Variants in CCDC158 observed in about 807,000 individuals in gnomAD.
CCDC158 encodes coiled-coil domain-containing protein 158.
A neutral mutation model predicts 138.6 loss-of-function variants in CCDC158; 116 were observed. The ratio of observed to expected loss-of-function variants is 0.84; its 90% confidence interval spans 0.72 to 0.98. The LOEUF is 0.98. Among genes scored for constraint, CCDC158 ranks in the 50% least tolerant of loss-of-function variants. The pLI is 0.00. For missense variants in CCDC158, 1,265 were observed against 1,306.1 expected (o/e 0.97, Z 0.48); for synonymous variants, 436 against 442.4 (o/e 0.99, Z 0.18).
At chr4:76,409,073 T>G (rs534319231) in intron 2 of CCDC158, among the ~76,000 whole-genome samples, 1 of 152,368 alleles carries the variant, frequency 6.6e-6, no homozygotes, top group East Asian at 1.9e-4. Context: ...GTAAAGAGGA[T>G]GCTTAGTATC....
intron 13 of CCDC158, 124 bp from the exon 14 acceptor site, chr4:76,357,650 A>G (rs770697362): frequency 6.5e-6 from 4 of 617,992 alleles, no homozygotes; most frequent in Non-Finnish European, 1.0e-5. Flanking sequence ...ATTTAATTAC[A>G]TCTTCCTTTG....
intron 4 of CCDC158, among the ~76,000 whole-genome samples, chr4:76,388,697 AG>A (rs1168987525): frequency 2.6e-5 from 4 of 152,154 alleles, no homozygotes; most frequent in African/African-American, 9.7e-5. Context: ...GACAAGACTC[AG>A]GGCAGTGCTG....
intron 9 of CCDC158, chr4:76,375,085 G>A (rs1272078500): frequency 1.3e-5 from 2 of 153,006 alleles, no homozygotes; most frequent in African/African-American, 4.8e-5. Context: ...AACCATTGAA[G>A]TAGCAGCTGA....
chr4:76,362,350 T>G (rs1360838424), intron 12 of CCDC158, 35 bp from the exon 13 acceptor site: 1 of 1,484,500 alleles, frequency 6.7e-7, no homozygotes, highest in African/African-American at 1.5e-5. Context: ...GATAGAGAAG[T>G]AAAAAATATG....
chr4:76,315,831 TG>T (rs776833133), intron 24 of CCDC158, among the ~76,000 whole-genome samples: 6 of 152,190 alleles, frequency 3.9e-5, no homozygotes, highest in Non-Finnish European at 7.3e-5. Context: ...GCCCCGAGTC[TG>T]GTAGCCCTAC....
intron 18 of CCDC158, among the ~76,000 whole-genome samples, chr4:76,341,686 A>G (rs1454403022): frequency 6.6e-6 from 1 of 152,252 alleles, no homozygotes; most frequent in African/African-American, 2.4e-5. Context: ...ACTATCAGTT[A>G]CATATATGTG....
intron 2 of CCDC158, among the ~76,000 whole-genome samples, chr4:76,409,238 T>G (rs1259677081): frequency 6.6e-6 from 1 of 152,190 alleles, no homozygotes; most frequent in Non-Finnish European, 1.5e-5. Flanking sequence ...TTTGTGACAC[T>G]ATAGGAATTG....
chr4:76,362,417 C>T, intron 12 of CCDC158, 102 bp from the exon 13 acceptor site: 1 of 735,976 alleles, frequency 1.4e-6, no homozygotes, highest in Non-Finnish European at 2.1e-6. Flanking sequence ...TGACAACAGT[C>T]TCCTACTTAA....
chr4:76,375,256 GT>G, intron 9 of CCDC158: 1 of 321,312 alleles, frequency 3.1e-6, no homozygotes, highest in Non-Finnish European at 5.6e-6. Context: ...GCACTTTTTG[GT>G]TTGGATCACT....
intron 2 of CCDC158, among the ~76,000 whole-genome samples, chr4:76,406,429 TAG>T (rs1350796044): frequency 2.0e-5 from 3 of 152,240 alleles, no homozygotes; most frequent in East Asian, 3.9e-4. Flanking sequence ...AAAAAATAAG[TAG>T]AGATATAAAA....
At chr4:76,344,663 GC>G in intron 18 of CCDC158, 1 of 1,611,010 alleles carries the variant, frequency 6.2e-7, no homozygotes. Flanking sequence ...AGACCACACT[GC>G]CCATGTTTCA....
intron 9 of CCDC158, among the ~76,000 whole-genome samples, chr4:76,372,784 T>C (rs1041108010): frequency 6.6e-6 from 1 of 152,234 alleles, no homozygotes; most frequent in Non-Finnish European, 1.5e-5. Flanking sequence ...GGCAGCTGTT[T>C]GATCTGTTTG....
chr4:76,361,138 C>T (rs1237996946), intron 13 of CCDC158, among the ~76,000 whole-genome samples: 1 of 152,224 alleles, frequency 6.6e-6, no homozygotes, highest in Non-Finnish European at 1.5e-5. Context: ...CTCTCTCTCT[C>T]CTGTTGCCAT....
chr4:76,375,730 A>T (rs2110274662), intron 9 of CCDC158: 1 of 662,294 alleles, frequency 1.5e-6, no homozygotes, highest in East Asian at 2.7e-5. Context: ...AAGAATAGAA[A>T]ACAGCATTAC....
intron 13 of CCDC158, among the ~76,000 whole-genome samples, chr4:76,358,490 C>G (rs890430013): frequency 6.6e-6 from 1 of 152,124 alleles, no homozygotes; most frequent in African/African-American, 2.4e-5. Context: ...TCCACATTAC[C>G]CGGCTCTACC....
chr4:76,374,488 A>G (rs989965971), intron 9 of CCDC158, among the ~76,000 whole-genome samples: 1 of 152,212 alleles, frequency 6.6e-6, no homozygotes, highest in Non-Finnish European at 1.5e-5. Context: ...AGTTTCTGTT[A>G]CATAACTTCC....
rs552227188 is a variant in CCDC158, at chr4:76,360,645, A to G, written c.2020+1481T>C. ...CTGCCCTGCTGGGTTTCAGACTTGC[A>G]TGGGCCCTGTAGCCTCTTTGCTTTG... On this transcript the variant is annotated intron_variant, in intron 13 of 24. Coordinates refer to ENST00000682701, the MANE Select transcript of CCDC158 (RefSeq NM_001394954.1). Among the ~76,000 whole-genome samples the G allele has an allele frequency of 7.2e-5, 11 of 152,354 alleles. No individual in the cohort carries two copies. The South Asian group carries it at 2.3e-3, about 32-fold the overall frequency.
chr4:76,405,832 A>C (rs1168340218), intron 2 of CCDC158, among the ~76,000 whole-genome samples: 1 of 152,198 alleles, frequency 6.6e-6, no homozygotes, highest in East Asian at 1.9e-4. Flanking sequence ...AAAAGTAACC[A>C]CTAGAGTAAA....
chr4:76,420,401 C>T (rs17001945), intron 1 of CCDC158, among the ~76,000 whole-genome samples: 4,615 of 152,264 alleles, frequency 0.03, 222 homozygotes, highest in African/African-American at 0.11. Context: ...CAAACAAAAC[C>T]TGGAGCAGCC....
Sources: gnomAD v4.1 joint callset for allele counts (sites outside exome capture counted in the v4.1 genomes callset) on GRCh38, gnomAD v4.1.1 for gene constraint, MANE v1.5 for transcripts, NCBI Gene and HGNC (gene_info 2026-07-23, HGNC 2026-07-21) for gene names.